The following DTX2 variants were observed in gnomAD, a reference collection of about 807,000 sequenced individuals.
DTX2 encodes deltex E3 ubiquitin ligase 2.
A neutral mutation model predicts 55.3 loss-of-function variants in DTX2; 29 were observed. The observed-to-expected ratio is 0.52, with a 90% CI of 0.39 to 0.71. The LOEUF (loss-of-function observed/expected upper bound fraction) is 0.71, where lower values mean the gene tolerates loss of function less well. Ranked by LOEUF, DTX2 falls within the 30% of genes least tolerant of loss-of-function variation. The pLI is 0.00. For missense variants in DTX2, 537 were observed against 822.5 expected (o/e 0.65, Z 4.25); for synonymous variants, 276 against 340.4 (o/e 0.81, Z 2.08).
chr7:76,500,613 T>G lies in DTX2; in HGVS notation c.1230+93T>G, dbSNP rs573906870. On this transcript the variant is annotated intron_variant, in intron 7 of 10. Transcript: ENST00000430490. ...CGCCCCATCTTGCTTGAAGGGTGCTTCCCAGGTGCCTCTGGGTGCCAGGGC... is the reference window on the plus strand; with the variant it reads ...CGCCCCATCTTGCTTGAAGGGTGCTGCCCAGGTGCCTCTGGGTGCCAGGGC... 0.01 allele frequency: 4,989 copies of G among 497,860 alleles called. 222 individuals are homozygous for G. The East Asian group carries it at 0.11, about 11-fold the overall frequency. 30.8% of individuals were successfully genotyped at this position (497,860 alleles called of 1,614,324 possible). A position where few individuals can be genotyped will look rare whatever the true frequency, so the allele number is the denominator to read the frequency against.
chr7:76,498,315 G>A (rs1811160422), intron 6 of DTX2, among the ~76,000 whole-genome samples: 1 of 150,866 alleles, frequency 6.6e-6, no homozygotes, highest in Admixed American at 6.6e-5. Flanking sequence ...GCCCACAGGC[G>A]AGGAGGTGGG....
At chr7:76,477,094 G>A (rs1354226472) in intron 2 of DTX2, 2 of 147,580 alleles carry the variant, frequency 1.4e-5, no homozygotes, top group Non-Finnish European at 1.5e-5. Flanking sequence ...CCTCTGATTT[G>A]TACCTCATTG....
At chr7:76,498,290 C>T (rs879666009) in intron 6 of DTX2, among the ~76,000 whole-genome samples, 1 of 148,872 alleles carries the variant, frequency 6.7e-6, no homozygotes, top group Non-Finnish European at 1.5e-5. Context: ...GGCTTCCGAT[C>T]GTGTCCGACC....
chr7:76,463,134 C>T (rs1466453690), intron 1 of DTX2, among the ~76,000 whole-genome samples: 1 of 150,588 alleles, frequency 6.6e-6, no homozygotes, highest in Non-Finnish European at 1.5e-5. Flanking sequence ...GGCTCAGAGC[C>T]AGGCGTGGTG....
At chr7:76,500,982 G>C (rs963998599) in intron 7 of DTX2, among the ~76,000 whole-genome samples, 2 of 152,158 alleles carry the variant, frequency 1.3e-5, no homozygotes, top group African/African-American at 4.8e-5. Context: ...GCAGTGGCGT[G>C]ATCACAGCTC....
At chr7:76,504,716 C>T (rs1334684158) in intron 10 of DTX2, among the ~76,000 whole-genome samples, 10 of 152,262 alleles carry the variant, frequency 6.6e-5, no homozygotes, top group African/African-American at 2.2e-4. Context: ...AGGCAGGGAC[C>T]GGGGGCTGTG....
chr7:76,500,100 C>A (rs1187464994), intron 6 of DTX2: 62 of 350,020 alleles, frequency 1.8e-4, no homozygotes, highest in African/African-American at 1.0e-3. Context: ...TCTGACTCTT[C>A]CGCGCAGCCT....
chr7:76,489,952 A>G (rs1479451226), intron 4 of DTX2, among the ~76,000 whole-genome samples: 1 of 127,700 alleles, frequency 7.8e-6, no homozygotes, highest in Non-Finnish European at 1.7e-5. Context: ...TAACAAAAGT[A>G]GTTGGGTTTC....
chr7:76,467,012 C>A (rs1296027131), intron 2 of DTX2, among the ~76,000 whole-genome samples: 1 of 152,014 alleles, frequency 6.6e-6, no homozygotes, highest in African/African-American at 2.4e-5. Flanking sequence ...TGGATCCATC[C>A]CCTTCAGCCT....
Position 76,482,708 on chromosome 7 carries a change from A to G in DTX2, c.469A>G (p.Thr157Ala), listed in dbSNP as rs947478547. 7.4e-6 allele frequency: 12 copies of G among 1,613,634 alleles called. No individual in the cohort carries two copies. The highest frequency in any genetic ancestry group is 5.0e-5 in the Admixed American group (3 of 59,972). ...GGGGTACAACTACACTGTCAACTACACCACCCACACGCAGACCAACAAGAC... is the reference window on the plus strand; with the variant it reads ...GGGGTACAACTACACTGTCAACTACGCCACCCACACGCAGACCAACAAGAC... ...PLGYNYTVNY[T>A]THTQTNKTSS... Residue 157 changes from threonine to alanine, a missense_variant, in exon 4 of 11, where the codon ACC becomes GCC. Physicochemically the swap from Thr to Ala is moderately conservative, Grantham distance 58. Around this residue, in one of 7 missense-constraint regions of DTX2, gnomAD observed 301 missense variants for 396.6 expected, o/e 0.76. Coordinates refer to ENST00000430490, the MANE Select transcript of DTX2 (RefSeq NM_001102594.3).
Position 76,482,739 on chromosome 7 carries a change from G to T in DTX2, c.500G>T (p.Ser167Ile). Reference sequence around the variant, plus strand: ...CACACGCAGACCAACAAGACTTCCAGCTTCTGCCGCAGCGTGCGGCGCCAA... The same window carrying T: ...CACACGCAGACCAACAAGACTTCCATCTTCTGCCGCAGCGTGCGGCGCCAA... ...TTHTQTNKTSSFCRSVRRQAG... is the reference protein window; with the variant it reads ...TTHTQTNKTSIFCRSVRRQAG... The change falls in exon 4 of 11, where the codon AGC becomes ATC. Residue 167 changes from serine (S) to isoleucine (I), a missense_variant. Coordinates refer to ENST00000430490, the MANE Select transcript of DTX2 (RefSeq NM_001102594.3). 2.5e-6 allele frequency: 4 copies of T among 1,613,896 alleles called. No homozygotes were observed. The highest frequency in any genetic ancestry group is 2.2e-5 in the South Asian group (2 of 91,080).
chr7:76,501,257 CTT>C, intron 7 of DTX2: 1 of 456,164 alleles, frequency 2.2e-6, no homozygotes, highest in Non-Finnish European at 4.4e-6. Flanking sequence ...TCACTTGTCT[CTT>C]TCTCCAGTCT....
intron 6 of DTX2, chr7:76,500,031 G>C (rs1220060500): frequency 1.6e-5 from 6 of 385,830 alleles, no homozygotes; most frequent in Admixed American, 3.0e-5. Flanking sequence ...GGTAATGCAA[G>C]TTGAATCAAA....
In DTX2 at chr7:76,482,518, G is replaced by A. The variant is rs4236506; in HGVS notation, c.279G>A (p.Arg93=). ...TTCCTTTGAAAATAGGCACCATGCG[G>A]GCTGTGCGGAGACACCTGTTCCCCC... ...TQFRQDTGTM[R]AVRRHLFPQH... Residue 93 remains arginine (R), a synonymous_variant, in exon 4 of 11, where the codon CGG becomes CGA. Transcript: ENST00000430490. 371,973 of 1,593,776 alleles carry A rather than the reference G, an allele frequency of 0.23. 44,705 individuals are homozygous for A. The highest frequency in any genetic ancestry group is 0.29 in the South Asian group (26,442 of 90,000).
At position 76,505,527 on chromosome 7, in the gene DTX2, C is replaced by T; in HGVS notation, c.1795C>T (p.Pro599Ser). The T allele has an allele frequency of 6.2e-7, 1 of 1,609,546 alleles. No homozygotes were observed. Among genetic ancestry groups the T allele is most frequent in the Non-Finnish European group, 8.5e-7 (1 of 1,178,286 alleles). Residue 599 changes from proline to serine, a missense_variant, in exon 11 of 11, where the codon CCC (proline) becomes TCC (serine). By Grantham distance (74) the Pro-to-Ser change is moderately conservative. Transcript: ENST00000430490. The surrounding 1 kb of genome is among the most constrained non-coding windows in gnomAD (Gnocchi z 4.4). The stretch of plus-strand genomic sequence containing the variant: ...CATTACGGGCCACGGCTATCCCGAC[C>T]CCAACTACCTGCAGAACGTGCTGGC... ...RNITGHGYPDPNYLQNVLAEL... is the reference protein window; with the variant it reads ...RNITGHGYPDSNYLQNVLAEL...
At position 76,505,540 on chromosome 7, in the gene DTX2, AGAACGT is replaced by A; in HGVS notation, c.1810_1815del (p.Asn604_Val605del). On this transcript the variant is annotated inframe_deletion, in exon 11 of 11. Transcript: ENST00000430490. The surrounding 1 kb of genome is among the most constrained non-coding windows in gnomAD (Gnocchi z 4.4). ...GGCTATCCCGACCCCAACTACCTGC[AGAACGT>A]GCTGGCTGAGCTGGCTGCCCAGGGG... 1 of 1,608,458 alleles carries A rather than the reference AGAACGT, an allele frequency of 6.2e-7. No individual in the cohort carries two copies. Among genetic ancestry groups the A allele is most frequent in the South Asian group, 1.1e-5 (1 of 90,020 alleles).
chr7:76,503,035 C>A, intron 8 of DTX2: 1 of 259,820 alleles, frequency 3.8e-6, no homozygotes, highest in Admixed American at 5.0e-5. Flanking sequence ...AGAACCGAGT[C>A]ATGTGGCGCA....
chr7:76,474,495 C>T (rs2539618), intron 2 of DTX2: 2 of 152,268 alleles, frequency 1.3e-5, no homozygotes, highest in East Asian at 3.9e-4. Context: ...CAGTAGCTTT[C>T]ATCTTCTCTC....
chr7:76,505,816 A>G lies in DTX2; in HGVS notation c.*215A>G. 1 of 620,270 alleles carries G rather than the reference A, an allele frequency of 1.6e-6. No homozygotes were observed. Among genetic ancestry groups the G allele is most frequent in the South Asian group, 2.0e-5 (1 of 51,232 alleles). 38.4% of individuals were successfully genotyped at this position (620,270 alleles called of 1,614,324 possible). ...TGGGCAGTTGTACTCATGGGGGCTT[A>G]GGATGCAGCTACCTCAGTGCGCAGG... On this transcript the variant is annotated 3_prime_UTR_variant, in exon 11 of 11. Coordinates refer to ENST00000430490, the MANE Select transcript of DTX2 (RefSeq NM_001102594.3). This position sits in a 1 kb window ranked among gnomAD's most constrained non-coding sequence, Gnocchi z 4.4.
Sources: allele counts gnomAD v4.1 joint callset (sites outside exome capture counted in the v4.1 genomes callset), GRCh38; gene constraint gnomAD v4.1.1; regional missense constraint gnomAD v4.1.1; non-coding constraint Gnocchi (gnomAD v3.1); transcripts MANE v1.5; gene names NCBI Gene and HGNC (gene_info 2026-07-23, HGNC 2026-07-21).